C17orf67: variants seen among roughly 807,000 people sequenced by gnomAD.
The protein encoded by C17orf67 is chromosome 17 open reading frame 67, also known as uncharacterized protein C17orf67.
A neutral mutation model predicts 11.2 loss-of-function variants in C17orf67; 12 were observed. The observed-to-expected ratio is 1.07, with a 90% CI of 0.68 to 1.73. The LOEUF is 1.73. Ranked by LOEUF, C17orf67 falls within the 40% of genes most tolerant of loss-of-function variation. The probability of loss-of-function intolerance (pLI) is 0.00; values close to 1 mark genes in which losing one functional copy is unlikely to be tolerated. For synonymous variants in C17orf67, 59 were observed against 46.9 expected (o/e 1.26, Z -1.05); for missense variants, 115 against 113.5 (o/e 1.01, Z -0.06).
rs1247957259 is a variant in C17orf67 at position 56,831,851 on chromosome 17, T to C, written c.-557+1047A>G. 2.6e-5 allele frequency among the ~76,000 whole-genome samples: 4 copies of C among 152,180 alleles called. No individual in the cohort carries two copies. The East Asian group carries it at 7.7e-4, about 29-fold the overall frequency. ...GGCTTCCCTGAGCCCCCTTTTCAAC[T>C]AGGCCTCCACCTTGGCCTATGAAAT... On this transcript the variant is annotated intron_variant, in intron 2 of 7. Transcript: ENST00000397861.
intron 2 of C17orf67, among the ~76,000 whole-genome samples, chr17:56,826,975 G>C (rs1186996597): frequency 1.3e-5 from 2 of 152,248 alleles, no homozygotes; most frequent in Admixed American, 6.5e-5. Flanking sequence ...TGACAGGCCT[G>C]GCGCTCTGCA....
chr17:56,825,588 C>A (rs776291316), intron 2 of C17orf67, among the ~76,000 whole-genome samples: 5 of 152,088 alleles, frequency 3.3e-5, no homozygotes, highest in Non-Finnish European at 7.4e-5. Flanking sequence ...AAGGAAATAA[C>A]CCTAAACAAA....
intron 7 of C17orf67, among the ~76,000 whole-genome samples, chr17:56,793,500 C>T (rs1905156120): frequency 6.6e-6 from 1 of 152,180 alleles, no homozygotes; most frequent in South Asian, 2.1e-4. Flanking sequence ...TGGGGCTGAA[C>T]CCAGAAACCT....
intron 4 of C17orf67, 45 bp downstream of exon 4, chr17:56,824,694 A>G (rs1879145): frequency 0.66 from 101,151 of 152,224 alleles, 33,865 homozygotes; most frequent in East Asian, 0.89. Flanking sequence ...ATCTTCTCAA[A>G]GAAACTGAAT....
chr17:56,792,172 G>C lies in C17orf67; in HGVS notation c.*201C>G, dbSNP rs748129752. Reference sequence around the variant, plus strand: ...TCTATGCTTTAAGCTATTGGTTTTAGTGATCTATGCAGGTTAGTAAAATGA... The same window carrying C: ...TCTATGCTTTAAGCTATTGGTTTTACTGATCTATGCAGGTTAGTAAAATGA... On this transcript the variant is annotated 3_prime_UTR_variant, in exon 8 of 8. Transcript: ENST00000397861. 1.3e-5 allele frequency: 2 copies of C among 152,162 alleles called. No homozygotes were observed. The highest frequency in any genetic ancestry group is 2.9e-5 in the Non-Finnish European group (2 of 68,026). The allele number at this position is 152,162 out of a possible 1,614,324, so 9.4% of individuals were successfully genotyped here. A position where few individuals can be genotyped will look rare whatever the true frequency, so the allele number is the denominator to read the frequency against.
intron 6 of C17orf67, among the ~76,000 whole-genome samples, chr17:56,806,030 A>G (rs1247862822): frequency 8.2e-6 from 1 of 122,406 alleles, no homozygotes; most frequent in Non-Finnish European, 1.6e-5. Context: ...GCTGGAGTGC[A>G]GTGGTGTGAT....
At chr17:56,827,195 G>A (rs1009459433) in intron 2 of C17orf67, among the ~76,000 whole-genome samples, 6 of 152,254 alleles carry the variant, frequency 3.9e-5, no homozygotes, top group African/African-American at 1.4e-4. Context: ...TGCGGAGGCT[G>A]AAGGTCATAG....
rs767448173 is a variant in C17orf67, at chr17:56,795,188, A to AACAAACC, written c.157-15_157-9dup. ...CAGGTGGTGCATGTATTCCTGTCAA[A>AACAAACC]ACAAACCACACTGAAGAAGGCTTCA... On this transcript the variant is annotated splice_polypyrimidine_tract_variant and intron_variant, in intron 6 of 7. Transcript: ENST00000397861. 5.6e-6 allele frequency: 9 copies of AACAAACC among 1,612,966 alleles called. No individual in the cohort carries two copies. Among genetic ancestry groups the AACAAACC allele is most frequent in the Non-Finnish European group, 7.6e-6 (9 of 1,179,342 alleles).
chr17:56,831,427 G>A (rs140639588), intron 2 of C17orf67, among the ~76,000 whole-genome samples: 50 of 152,280 alleles, frequency 3.3e-4, no homozygotes, highest in African/African-American at 1.1e-3. Flanking sequence ...TTTGGGAGGA[G>A]ACTTGGGAAC....
rs1905987482 is a variant in C17orf67, at chr17:56,824,849, G to A, written c.-311C>T. On this transcript the variant is annotated 5_prime_UTR_variant, in exon 4 of 8. Transcript: ENST00000397861. ...ACTGTATCATTCAGGGATACCCTTA[G>A]GCATCTATAAAGAAAAGCAAAGAAA... 6.6e-6 allele frequency: 1 copy of A among 152,140 alleles called. No homozygotes were observed. Among genetic ancestry groups the A allele is most frequent in the African/African-American group, 2.4e-5 (1 of 41,410 alleles). The allele number at this position is 152,140 out of a possible 1,614,324, so 9.4% of individuals were successfully genotyped here. A position where few individuals can be genotyped will look rare whatever the true frequency, so the allele number is the denominator to read the frequency against.
Position 56,814,918 on chromosome 17 carries a change from C to G in C17orf67, c.107G>C (p.Arg36Pro), listed in dbSNP as rs201263542. 1 of 1,614,044 alleles carries G rather than the reference C, an allele frequency of 6.2e-7. No individual in the cohort carries two copies. ...GGGTTTGCTTGGTCTATCCTGTCGC[C>G]GAGATCTTAGGAGCTGTTTGGCCTG... is the stretch of plus-strand genomic sequence containing the variant. The part of the protein sequence containing the change: ...EKQAKQLLRS[R>P]RQDRPSKPGF... Residue 36 changes from arginine to proline, a missense_variant, in exon 6 of 8, where the codon CGG (arginine) becomes CCG (proline). Transcript: ENST00000397861.
chr17:56,808,841 G>A (rs577101939), intron 6 of C17orf67, among the ~76,000 whole-genome samples: 1 of 152,190 alleles, frequency 6.6e-6, no homozygotes, highest in Non-Finnish European at 1.5e-5. Context: ...CATGAGGAGA[G>A]ACTTCTGCAA....
chr17:56,822,087 C>A (rs2144144620), intron 4 of C17orf67, among the ~76,000 whole-genome samples: 1 of 152,356 alleles, frequency 6.6e-6, no homozygotes, highest in Middle Eastern at 3.4e-3. Flanking sequence ...CAGCTGACTT[C>A]CAGCTACCAC....
intron 4 of C17orf67, among the ~76,000 whole-genome samples, chr17:56,822,360 G>A (rs1954554339): frequency 6.6e-6 from 1 of 152,096 alleles, no homozygotes; most frequent in African/African-American, 2.4e-5. Flanking sequence ...TATGACTGTG[G>A]GCAGCAGAGT....
chr17:56,809,154 C>T lies in C17orf67; in HGVS notation c.156+5715G>A, dbSNP rs138010234. On this transcript the variant is annotated intron_variant, in intron 6 of 7. Coordinates refer to ENST00000397861, the MANE Select transcript of C17orf67 (RefSeq NM_001085430.4). ...GTACCATGGCAAGAAGGTGCAATAGCGCATCCAAAACGTCACTTCCTATTT... is the reference window on the plus strand; with the variant it reads ...GTACCATGGCAAGAAGGTGCAATAGTGCATCCAAAACGTCACTTCCTATTT... 3.9e-5 allele frequency among the ~76,000 whole-genome samples: 6 copies of T among 152,008 alleles called. No homozygotes were observed. In the East Asian group the frequency reaches 1.2e-3, roughly 29 times the overall value.
chr17:56,807,121 TA>T (rs142069302), intron 6 of C17orf67, among the ~76,000 whole-genome samples: 3,865 of 152,218 alleles, frequency 0.025, 163 homozygotes, highest in African/African-American at 0.089. Flanking sequence ...AGGTGAGCTT[TA>T]AAGCCACATG....
At chr17:56,812,766 A>G (rs1905662133) in intron 6 of C17orf67, among the ~76,000 whole-genome samples, 1 of 152,060 alleles carries the variant, frequency 6.6e-6, no homozygotes, top group Admixed American at 6.5e-5. Flanking sequence ...AAGCAAGCAG[A>G]GGGCTGTCAA....
At chr17:56,802,909 T>C (rs182376735) in intron 6 of C17orf67, among the ~76,000 whole-genome samples, 12 of 152,368 alleles carry the variant, frequency 7.9e-5, no homozygotes, top group Non-Finnish European at 1.6e-4. Flanking sequence ...TCCTGCTGTA[T>C]TGGCATTTTC....
chr17:56,810,021 A>C (rs1043955747), intron 6 of C17orf67, among the ~76,000 whole-genome samples: 8 of 114,352 alleles, frequency 7.0e-5, no homozygotes, highest in Non-Finnish European at 1.4e-4. Flanking sequence ...TCCCTCATAC[A>C]CCCTCACACA....
Sources: allele counts gnomAD v4.1 joint callset (sites outside exome capture counted in the v4.1 genomes callset), GRCh38; gene constraint gnomAD v4.1.1; transcripts MANE v1.5; gene names NCBI Gene and HGNC (gene_info 2026-07-23, HGNC 2026-07-21).